NEGR1: variants seen among roughly 807,000 people sequenced by gnomAD.
The protein encoded by NEGR1 is neuronal growth regulator 1, also known as IgLON family member 4.
Under a neutral mutation model 40.9 loss-of-function variants are expected in NEGR1, and 10 were observed. The ratio of observed to expected loss-of-function variants is 0.24; its 90% CI spans 0.15 to 0.42. The LOEUF is 0.42. Ranked by LOEUF, NEGR1 falls within the 10% of genes least tolerant of loss-of-function variation. The pLI is 1.00. For synonymous variants in NEGR1, 185 were observed against 166.8 expected, an observed-to-expected ratio of 1.11 and a Z score of -0.84; for missense variants, 352 against 438.9, an observed-to-expected ratio of 0.80 and a Z score of 1.77.
intron 6 of NEGR1, among the ~76,000 whole-genome samples, chr1:71,489,135 C>T (rs899755546): frequency 3.3e-5 from 5 of 151,694 alleles, no homozygotes; most frequent in Non-Finnish European, 5.9e-5. Flanking sequence ...ACAGATTCTA[C>T]CATGTAAGCC....
chr1:71,996,119 G>C (rs1321513787), intron 1 of NEGR1, among the ~76,000 whole-genome samples: 6 of 152,042 alleles, frequency 3.9e-5, no homozygotes, highest in African/African-American at 1.4e-4. Flanking sequence ...GCCCCTTGTA[G>C]ATTTTTTTGC....
intron 4 of NEGR1, among the ~76,000 whole-genome samples, chr1:71,648,359 T>A (rs377332949): frequency 1.3e-5 from 2 of 152,048 alleles, no homozygotes; most frequent in Admixed American, 6.6e-5. Context: ...TATACACAGA[T>A]GAAGTCCAGT....
At position 71,922,576 on chromosome 1, in the gene NEGR1, G is replaced by T. The variant is rs575937073; in HGVS notation, c.409+12503C>A. Among the ~76,000 whole-genome samples the T allele has an allele frequency of 5.3e-5, 8 of 152,178 alleles. No individual in the cohort carries two copies. In the East Asian group the frequency reaches 1.5e-3, roughly 29 times the overall value. On this transcript the variant is annotated intron_variant, in intron 2 of 6. Transcript: ENST00000357731. ...CTCCATGAGAAGGGTAATTAATTTT[G>T]TTGATATTTTACAGTCTAACTTTGT... is the stretch of plus-strand genomic sequence containing the variant.
chr1:71,467,707 C>A (rs1375587994), intron 6 of NEGR1, among the ~76,000 whole-genome samples: 1 of 85,168 alleles, frequency 1.2e-5, no homozygotes, highest in Non-Finnish European at 2.7e-5. Flanking sequence ...ATAAAATATT[C>A]TTCTATTTGA....
intron 1 of NEGR1, among the ~76,000 whole-genome samples, chr1:72,068,838 G>A (rs1647346852): frequency 6.6e-6 from 1 of 151,970 alleles, no homozygotes; most frequent in Non-Finnish European, 1.5e-5. Flanking sequence ...CTAGATGTAA[G>A]GATATAGTAG....
chr1:71,842,100 C>T (rs1023827042), intron 2 of NEGR1, among the ~76,000 whole-genome samples: 4 of 152,132 alleles, frequency 2.6e-5, no homozygotes, highest in Non-Finnish European at 5.9e-5. Context: ...TGGTAATAGA[C>T]ATTTGTTAGC....
intron 2 of NEGR1, among the ~76,000 whole-genome samples, chr1:71,913,503 C>G (rs188323002): frequency 5.3e-4 from 80 of 152,234 alleles, no homozygotes; most frequent in Non-Finnish European, 7.2e-4. Context: ...ACTTCTAAAC[C>G]CATATTTTGC....
chr1:72,021,998 G>A (rs750522697), intron 1 of NEGR1, among the ~76,000 whole-genome samples: 4 of 151,890 alleles, frequency 2.6e-5, no homozygotes, highest in Admixed American at 2.0e-4. Context: ...AGCTGGGCGT[G>A]GTGGCAGGCG....
At chr1:71,536,505 T>G (rs1010287152) in intron 6 of NEGR1, among the ~76,000 whole-genome samples, 1 of 151,750 alleles carries the variant, frequency 6.6e-6, no homozygotes, top group Non-Finnish European at 1.5e-5. Context: ...TAAATGCAGA[T>G]GCTGGTACCA....
chr1:72,172,071 T>A (rs1226507683), intron 1 of NEGR1, among the ~76,000 whole-genome samples: 1 of 152,148 alleles, frequency 6.6e-6, no homozygotes, highest in Non-Finnish European at 1.5e-5. Flanking sequence ...GAACTAAACA[T>A]TTTGATATTA....
At chr1:72,220,317 C>T (rs1653970061) in intron 1 of NEGR1, among the ~76,000 whole-genome samples, 1 of 151,824 alleles carries the variant, frequency 6.6e-6, no homozygotes, top group African/African-American at 2.4e-5. Context: ...CTCTCAGAAT[C>T]CAAAGGCAGG....
intron 2 of NEGR1, among the ~76,000 whole-genome samples, chr1:71,778,530 TATC>T (rs1419546913): frequency 6.6e-6 from 1 of 152,190 alleles, no homozygotes; most frequent in Non-Finnish European, 1.5e-5. Flanking sequence ...GATGTAACCT[TATC>T]ATAACATGAG....
intron 3 of NEGR1, among the ~76,000 whole-genome samples, chr1:71,719,077 T>C (rs911107572): frequency 6.6e-6 from 1 of 152,334 alleles, no homozygotes. Context: ...AATAAAATTG[T>C]GTCACTCTCT....
At chr1:71,913,018 T>A (rs546102581) in intron 2 of NEGR1, among the ~76,000 whole-genome samples, 3 of 152,288 alleles carry the variant, frequency 2.0e-5, no homozygotes, top group African/African-American at 7.2e-5. Context: ...CTTATCTGTT[T>A]GAGTAGGTTC....
intron 4 of NEGR1, among the ~76,000 whole-genome samples, chr1:71,627,510 C>A (rs1316935025): frequency 2.6e-5 from 4 of 151,992 alleles, no homozygotes; most frequent in Admixed American, 1.3e-4. Flanking sequence ...GCTATAGACA[C>A]AGTGATGCTG....
intron 1 of NEGR1, among the ~76,000 whole-genome samples, chr1:71,998,342 G>A (rs1452811142): frequency 6.6e-6 from 1 of 151,856 alleles, no homozygotes; most frequent in Non-Finnish European, 1.5e-5. Context: ...TCAGGCAGGA[G>A]GCTTTTTCAA....
chr1:72,190,837 T>C (rs1199399408), intron 1 of NEGR1, among the ~76,000 whole-genome samples: 1 of 151,636 alleles, frequency 6.6e-6, no homozygotes, highest in Admixed American at 6.6e-5. Context: ...TTTTGATATG[T>C]ATGCAAAAAT....
At position 71,421,953 on chromosome 1, in the gene NEGR1, A is replaced by C. The variant is rs140037955; in HGVS notation, c.941-14383T>G. On this transcript the variant is annotated intron_variant, in intron 6 of 6. Coordinates refer to ENST00000357731, the MANE Select transcript of NEGR1 (RefSeq NM_173808.3). ...TTTAAGACAAAGGGATATAAGAAGG[A>C]TATAATAAGCACTGTGAATGTTCCT... Among the ~76,000 whole-genome samples, 329 of 151,530 alleles carry C rather than the reference A, an allele frequency of 2.2e-3. 1 individual carries two copies. The highest frequency in any genetic ancestry group is 7.6e-3 in the African/African-American group (316 of 41,322).
intron 3 of NEGR1, among the ~76,000 whole-genome samples, chr1:71,758,172 A>C (rs1051410439): frequency 2.6e-5 from 4 of 152,096 alleles, no homozygotes; most frequent in Non-Finnish European, 5.9e-5. Context: ...AGTCCTTTTA[A>C]GCTCTATATA....
Sources: gnomAD v4.1 joint callset for allele counts (sites outside exome capture counted in the v4.1 genomes callset) on GRCh38, gnomAD v4.1.1 for gene constraint, MANE v1.5 for transcripts, NCBI Gene and HGNC (gene_info 2026-07-23, HGNC 2026-07-21) for gene names.